Variants in SLC39A4 observed in about 807,000 individuals in gnomAD.
The protein encoded by SLC39A4 is zinc transporter ZIP4.
A neutral mutation model predicts 56.6 loss-of-function variants in SLC39A4; 49 were observed. That is an observed-to-expected ratio of 0.87 (90% CI 0.69 to 1.10). The LOEUF (loss-of-function observed/expected upper bound fraction) is 1.10, where lower values mean the gene tolerates loss of function less well. Ranked by LOEUF, SLC39A4 falls within the 50% of genes least tolerant of loss-of-function variation. The pLI is 0.00. For synonymous variants in SLC39A4, 540 were observed against 420.4 expected (o/e 1.28, Z -3.48); for missense variants, 993 against 864.2 (o/e 1.15, Z -1.87).
At chr8:144,416,427 T>A in intron 1 of SLC39A4, 171 bp downstream of exon 1, 1 of 1,448,372 alleles carries the variant, frequency 6.9e-7, no homozygotes, top group South Asian at 1.4e-5. Flanking sequence ...CTGTCTGCCC[T>A]CATGAGCAGG....
At chr8:144,414,693 G>A (rs782345573) in intron 5 of SLC39A4, 32 bp downstream of exon 5, 1 of 1,610,416 alleles carries the variant, frequency 6.2e-7, no homozygotes, top group South Asian at 1.1e-5. Flanking sequence ...CCACCTCTGT[G>A]CTGCCAGCAC....
chr8:144,415,658 G>A, intron 2 of SLC39A4, 152 bp downstream of exon 2: 2 of 1,252,304 alleles, frequency 1.6e-6, no homozygotes, highest in East Asian at 5.1e-5. Flanking sequence ...GCCCAGTAGT[G>A]AGCCCCACGT....
At position 144,414,912 on chromosome 8, in the gene SLC39A4, A is replaced by T. The variant is rs782418788; in HGVS notation, c.805-16T>A. 3.1e-6 allele frequency: 5 copies of T among 1,613,114 alleles called. No homozygotes were observed. The highest frequency in any genetic ancestry group is 3.4e-6 in the Non-Finnish European group (4 of 1,179,920). ...TCAGGCATACCTGGGGGGTGGCAGG[A>T]CAGGCTCAGGGGCCCAAGCAGACCC... is the stretch of plus-strand genomic sequence containing the variant. On this transcript the variant is annotated splice_polypyrimidine_tract_variant and intron_variant, in intron 4 of 11. Coordinates refer to ENST00000301305, the MANE Select transcript of SLC39A4 (RefSeq NM_130849.4).
chr8:144,413,657 GCCGCAGGC>G, intron 8 of SLC39A4, 85 bp downstream of exon 8: 5 of 1,543,924 alleles, frequency 3.2e-6, no homozygotes, highest in Middle Eastern at 2.3e-4. Context: ...GGGAGGCGGA[GCCGCAGGC>G]CTGGGGTGGG....
At chr8:144,414,228 G>A (rs782011420) in intron 6 of SLC39A4, 34 bp downstream of exon 6, 8 of 1,600,834 alleles carry the variant, frequency 5.0e-6, no homozygotes, top group South Asian at 2.3e-5. Flanking sequence ...GGTGGGGAAC[G>A]GAGGGCCAGG....
At chr8:144,416,368 G>A in intron 1 of SLC39A4, 2 of 1,457,288 alleles carry the variant, frequency 1.4e-6, no homozygotes, top group Non-Finnish European at 1.8e-6. Flanking sequence ...GGCAGGGGGA[G>A]TTGGCCCTGG....
In SLC39A4 at chr8:144,414,120, G is replaced by T. The variant is rs112013288; in HGVS notation, c.1150-25C>A. On this transcript the variant is annotated intron_variant, in intron 6 of 11. Transcript: ENST00000301305. The stretch of plus-strand genomic sequence containing the variant: ...CCTGGGGAGTAGGGGCGCTGGGCTG[G>T]GGGGGAGGTCCCAGGGCGCCTCCCA... The T allele has an allele frequency of 2.7e-5, 42 of 1,554,816 alleles. 1 individual carries two copies. The South Asian group carries it at 3.9e-4, about 14-fold the overall frequency.
rs2130791631 is a variant in SLC39A4 at position 144,412,622 on chromosome 8, G to A, written c.1860C>T (p.Leu620=). ...GCAGGCCCACGTTGTGCAGCAGGAAGAGGAGCCAGGGCCGCGGGTCCCGTA... is the reference window on the plus strand; with the variant it reads ...GCAGGCCCACGTTGTGCAGCAGGAAAAGGAGCCAGGGCCGCGGGTCCCGTA... The part of the protein sequence containing the change: ...LKVRDPRPWL[L]FLLHNVGLLG... The change falls in exon 12 of 12, where the codon CTC becomes CTT. Residue 620 remains leucine (L), a synonymous_variant. Coordinates refer to ENST00000301305, the MANE Select transcript of SLC39A4 (RefSeq NM_130849.4). 6 of 1,614,154 alleles carry A rather than the reference G, an allele frequency of 3.7e-6. No individual in the cohort carries two copies. Among genetic ancestry groups the A allele is most frequent in the Non-Finnish European group, 5.1e-6 (6 of 1,180,020 alleles).
chr8:144,413,177 T>G (rs1586649287), intron 10 of SLC39A4, 60 bp downstream of exon 10: 2 of 1,436,262 alleles, frequency 1.4e-6, no homozygotes, highest in African/African-American at 1.6e-5. Context: ...CTGTTCCAGG[T>G]CTCCCCTCCC....
rs782586898 is a variant in SLC39A4 at position 144,412,648 on chromosome 8, C to G, written c.1834G>C (p.Val612Leu). The change falls in exon 12 of 12, where the codon GTA becomes CTA. Residue 612 changes from valine (V) to leucine (L), a missense_variant. Transcript: ENST00000301305. ...LCDMLPAMLK[V>L]RDPRPWLLFL... ...AGGAGCCAGGGCCGCGGGTCCCGTA[C>G]TTTCAACATCGCCGGGAGCTGAGGA... 6.2e-7 allele frequency: 1 copy of G among 1,614,052 alleles called. No individual in the cohort carries two copies. Among genetic ancestry groups the G allele is most frequent in the South Asian group, 1.1e-5 (1 of 91,088 alleles).
Position 144,416,042 on chromosome 8 carries a change from C to A in SLC39A4, c.242G>T (p.Gly81Val). 6.3e-7 allele frequency: 1 copy of A among 1,586,308 alleles called. No individual in the cohort carries two copies. Among genetic ancestry groups the A allele is most frequent in the Non-Finnish European group, 8.6e-7 (1 of 1,168,960 alleles). Residue 81 changes from glycine (G) to valine (V), a missense_variant, in exon 2 of 12, where the codon GGG becomes GTG. Physicochemically the swap from Gly to Val is moderately radical, Grantham distance 109. Coordinates refer to ENST00000301305, the MANE Select transcript of SLC39A4 (RefSeq NM_130849.4). ...CTCCAGGACCGGGCCCGGGGGCAGC[C>A]CTGACCCCTCAGGCTCGCCCAGGCC... Reference protein sequence around the residue: ...ALGLGEPEGSGLPPGPVLEAR... With the variant: ...ALGLGEPEGSVLPPGPVLEAR...
chr8:144,415,202 C>G, intron 3 of SLC39A4, 25 bp downstream of exon 3: 1 of 1,612,730 alleles, frequency 6.2e-7, no homozygotes. Flanking sequence ...GGGTGCCCCC[C>G]TCCACAGCCC....
intron 2 of SLC39A4, 110 bp downstream of exon 2, chr8:144,415,700 G>T: frequency 7.1e-7 from 1 of 1,415,396 alleles, no homozygotes; most frequent in Non-Finnish European, 9.3e-7. Flanking sequence ...CGACTCCTGG[G>T]CGTCTCCCCA....
rs73374077 is a variant in SLC39A4 at position 144,416,593 on chromosome 8, G to T, written c.192+5C>A. The T allele has an allele frequency of 2.3e-3, 3,613 of 1,575,994 alleles. 67 individuals carry two copies. The African/African-American group carries it at 0.043, about 19-fold the overall frequency. ...GCTGGGGGACCCGTCGGGTGGGGCT[G>T]TTACCTTTCCACACGGCCCGTTGGC... is the stretch of plus-strand genomic sequence containing the variant. On this transcript the variant is annotated splice_donor_5th_base_variant and intron_variant, in intron 1 of 11. Coordinates refer to ENST00000301305, the MANE Select transcript of SLC39A4 (RefSeq NM_130849.4).
Position 144,414,017 on chromosome 8 carries a change from G to A in SLC39A4, c.1228C>T (p.Leu410Phe). Residue 410 changes from leucine (L) to phenylalanine (F), a missense_variant, in exon 7 of 12, where the codon CTC becomes TTC. By Grantham distance (22) the Leu-to-Phe change is conservative. Coordinates refer to ENST00000301305, the MANE Select transcript of SLC39A4 (RefSeq NM_130849.4). The part of the protein sequence containing the change: ...TWRLLAMLAG[L>F]YAFFLFENLF... ...TTCTCAAACAGGAAGAAGGCGTAGA[G>A]CCCGGCCAGCATAGCCAGGAGGCGC... The A allele has an allele frequency of 6.2e-7, 1 of 1,601,006 alleles. No individual in the cohort carries two copies. The highest frequency in any genetic ancestry group is 1.1e-5 in the South Asian group (1 of 89,266).
At position 144,415,316 on chromosome 8, in the gene SLC39A4, C is replaced by T. The variant is rs1208525499; in HGVS notation, c.578G>A (p.Gly193Glu). The T allele has an allele frequency of 1.2e-6, 2 of 1,612,950 alleles. No individual in the cohort carries two copies. Among genetic ancestry groups the T allele is most frequent in the East Asian group, 2.2e-5 (1 of 44,880 alleles). The change falls in exon 3 of 12, where the codon GGG becomes GAG. Residue 193 changes from glycine to glutamate, a missense_variant. Gly to Glu is a moderately conservative substitution (Grantham distance 98, BLOSUM62 -2). Transcript: ENST00000301305. ...GCTCGGCAAGGCGTGGAAGCAAGAC[C>T]CGCTCCTGACATGGTCCAGCAGGGC... is the stretch of plus-strand genomic sequence containing the variant. Reference protein sequence around the residue: ...LAALLDHVRSGSCFHALPSPQ... With the variant: ...LAALLDHVRSESCFHALPSPQ...
In SLC39A4 at chr8:144,412,916, A is replaced by G. The variant is rs782263263; in HGVS notation, c.1658T>C (p.Leu553Pro). ...GDFAALLHAGLSVRQALLLNL... is the reference protein window; with the variant it reads ...GDFAALLHAGPSVRQALLLNL... Reference sequence around the variant, plus strand: ...CAGCAGCAGTGCTTGGCGCACGGACAGCCCCGCGTGCAGCAAGGCGGCGAA... The same window carrying G: ...CAGCAGCAGTGCTTGGCGCACGGACGGCCCCGCGTGCAGCAAGGCGGCGAA... Residue 553 changes from leucine to proline, a missense_variant, in exon 11 of 12, where the codon CTG becomes CCG. By Grantham distance (98) the Leu-to-Pro change is moderately conservative. Coordinates refer to ENST00000301305, the MANE Select transcript of SLC39A4 (RefSeq NM_130849.4). 2 of 1,607,556 alleles carry G rather than the reference A, an allele frequency of 1.2e-6. No individual in the cohort carries two copies. The highest frequency in any genetic ancestry group is 1.7e-6 in the Non-Finnish European group (2 of 1,179,410).
chr8:144,414,834 G>A lies in SLC39A4; in HGVS notation c.867C>T (p.Thr289=), dbSNP rs1554873259. ...GGCTCAGTTGGGCCCAGGCCTCCGG[G>A]GTCACCCCAGCCTGTTCCGACAGTC... ...AYGLSEQAGV[T]PEAWAQLSPA... Residue 289 remains threonine, a synonymous_variant, in exon 5 of 12, where the codon ACC becomes ACT. Transcript: ENST00000301305. 3 of 1,613,210 alleles carry A rather than the reference G, an allele frequency of 1.9e-6. No individual in the cohort carries two copies. The South Asian group carries it at 3.3e-5, about 18-fold the overall frequency.
Position 144,416,070 on chromosome 8 carries a change from G to A in SLC39A4, c.214C>T (p.Leu72=). The change falls in exon 2 of 12, where the codon CTG becomes TTG. Residue 72 remains leucine, a synonymous_variant. Transcript: ENST00000301305. The stretch of plus-strand genomic sequence containing the variant: ...GACCCCTCAGGCTCGCCCAGGCCCA[G>A]GGCGTCCTCCACAGACAGGCACTGT... ...CGKCLSVEDA[L]GLGEPEGSGL... is the part of the protein sequence containing the mutation. 1.9e-6 allele frequency: 3 copies of A among 1,595,610 alleles called. No individual in the cohort carries two copies. Among genetic ancestry groups the A allele is most frequent in the Non-Finnish European group, 2.6e-6 (3 of 1,174,528 alleles).
Sources: allele counts gnomAD v4.1 joint callset, GRCh38; gene constraint gnomAD v4.1.1; transcripts MANE v1.5; gene names NCBI Gene and HGNC (gene_info 2026-07-23, HGNC 2026-07-21).